The following NUDT3 variants were observed in gnomAD, a reference collection of about 807,000 sequenced individuals.
The protein encoded by NUDT3 is nudix hydrolase 3, also known as diphosphoinositol polyphosphate phosphohydrolase 1.
A neutral mutation model predicts 23.6 loss-of-function variants in NUDT3; 9 were observed. That is an observed-to-expected ratio of 0.38 (90% CI 0.23 to 0.66). NUDT3 has a LOEUF of 0.66. Ranked by LOEUF, NUDT3 falls within the 30% of genes least tolerant of loss-of-function variation. NUDT3 has a pLI of 0.52. For missense variants in NUDT3, 172 were observed against 218.5 expected, an observed-to-expected ratio of 0.79 and a Z score of 1.34; for synonymous variants, 86 against 82.6, an observed-to-expected ratio of 1.04 and a Z score of -0.22.
intron 4 of NUDT3, 33 bp from the exon 5 acceptor site, chr6:34,288,964 A>G: frequency 6.4e-7 from 1 of 1,565,078 alleles, no homozygotes; most frequent in Non-Finnish European, 8.6e-7. Flanking sequence ...AACTAGTACA[A>G]GAGTAATAAG....
At chr6:34,319,265 C>T (rs1280728079) in intron 2 of NUDT3, among the ~76,000 whole-genome samples, 1 of 152,062 alleles carries the variant, frequency 6.6e-6, no homozygotes, top group Non-Finnish European at 1.5e-5. Flanking sequence ...GAAGACAGCC[C>T]CAGAAACCAA....
intron 1 of NUDT3, among the ~76,000 whole-genome samples, chr6:34,350,068 G>A (rs760173982): frequency 1.3e-5 from 2 of 149,764 alleles, no homozygotes; most frequent in East Asian, 1.9e-4. Context: ...CAGCCTGGGC[G>A]ACAGAGCGAA....
intron 2 of NUDT3, among the ~76,000 whole-genome samples, chr6:34,314,390 T>TAAAA (rs5875502): frequency 8.1e-6 from 1 of 123,956 alleles, no homozygotes; most frequent in South Asian, 2.6e-4. Flanking sequence ...CTGTCTCTAC[T>TAAAA]AAAAAAAAAA....
chr6:34,331,213 C>T (rs766589148), intron 2 of NUDT3, among the ~76,000 whole-genome samples: 2 of 152,056 alleles, frequency 1.3e-5, no homozygotes, highest in African/African-American at 2.4e-5. Flanking sequence ...AATTGAGCAG[C>T]TCTGAACTCT....
chr6:34,293,061 C>T (rs1336297876), intron 4 of NUDT3, among the ~76,000 whole-genome samples: 4 of 152,038 alleles, frequency 2.6e-5, no homozygotes, highest in African/African-American at 9.7e-5. Flanking sequence ...TCTTGTTGTT[C>T]TGTTTTTTTG....
intron 2 of NUDT3, among the ~76,000 whole-genome samples, chr6:34,312,723 C>T (rs1763793125): frequency 6.6e-6 from 1 of 152,156 alleles, no homozygotes. Context: ...TACTGTATAG[C>T]AGCTTTATTA....
chr6:34,293,395 G>A (rs2113693794), intron 4 of NUDT3, 56 bp downstream of exon 4: 1 of 1,601,494 alleles, frequency 6.2e-7, no homozygotes, highest in East Asian at 2.2e-5. Flanking sequence ...ATGACCTGTG[G>A]CATGGCAAGG....
At chr6:34,326,616 T>C (rs189230953) in intron 2 of NUDT3, among the ~76,000 whole-genome samples, 44 of 152,280 alleles carry the variant, frequency 2.9e-4, no homozygotes, top group East Asian at 2.5e-3. Context: ...TTTTCTTTTT[T>C]TTGACACGGA....
intron 4 of NUDT3, 121 bp downstream of exon 4, chr6:34,293,330 G>A: frequency 8.6e-7 from 1 of 1,159,392 alleles, no homozygotes. Flanking sequence ...CCAAAGTACT[G>A]GGGTTATAGG....
At chr6:34,322,081 T>C (rs1763951043) in intron 2 of NUDT3, among the ~76,000 whole-genome samples, 1 of 152,202 alleles carries the variant, frequency 6.6e-6, no homozygotes, top group Non-Finnish European at 1.5e-5. Context: ...TATAGAACTT[T>C]TCCTTCACTT....
chr6:34,293,425 T>C (rs966893180), intron 4 of NUDT3, 26 bp downstream of exon 4: 2 of 1,613,850 alleles, frequency 1.2e-6, no homozygotes, highest in Non-Finnish European at 1.7e-6. Flanking sequence ...GAGGAACCCT[T>C]TCCAGGCTGT....
At chr6:34,374,893 T>C (rs1275058643) in intron 1 of NUDT3, among the ~76,000 whole-genome samples, 1 of 152,258 alleles carries the variant, frequency 6.6e-6, no homozygotes, top group Non-Finnish European at 1.5e-5. Flanking sequence ...ACTTTCTGAT[T>C]CTTCTGATCT....
intron 2 of NUDT3, among the ~76,000 whole-genome samples, chr6:34,309,969 A>G (rs892111685): frequency 6.6e-6 from 1 of 152,162 alleles, no homozygotes; most frequent in African/African-American, 2.4e-5. Flanking sequence ...GCGGTGGTGC[A>G]TGCCTGTAAT....
intron 1 of NUDT3, among the ~76,000 whole-genome samples, chr6:34,361,860 G>A (rs1764655391): frequency 6.6e-6 from 1 of 152,212 alleles, no homozygotes; most frequent in Admixed American, 6.5e-5. Flanking sequence ...TGAGCAGAGA[G>A]GGAGGGATGA....
At chr6:34,316,485 A>G (rs964999712) in intron 2 of NUDT3, among the ~76,000 whole-genome samples, 2 of 152,150 alleles carry the variant, frequency 1.3e-5, no homozygotes, top group Non-Finnish European at 2.9e-5. Context: ...GAAAAACAGT[A>G]TTTCATCTGG....
intron 1 of NUDT3, among the ~76,000 whole-genome samples, chr6:34,366,298 C>T (rs1320548947): frequency 1.3e-5 from 2 of 150,812 alleles, no homozygotes; most frequent in Non-Finnish European, 3.0e-5. Context: ...ATCACTTGAG[C>T]TGAGGAGGTT....
intron 1 of NUDT3, among the ~76,000 whole-genome samples, chr6:34,381,551 C>T (rs561475375): frequency 3.4e-4 from 51 of 151,926 alleles, no homozygotes; most frequent in East Asian, 2.5e-3. Flanking sequence ...TTATTATATA[C>T]AGAAATTCTC....
intron 2 of NUDT3, among the ~76,000 whole-genome samples, chr6:34,323,472 T>A (rs1275559130): frequency 1.3e-5 from 2 of 151,772 alleles, no homozygotes; most frequent in African/African-American, 4.8e-5. Context: ...GAGGTTAACG[T>A]GGGAGGACTG....
At chr6:34,321,440 A>T (rs2113717566) in intron 2 of NUDT3, among the ~76,000 whole-genome samples, 1 of 152,086 alleles carries the variant, frequency 6.6e-6, no homozygotes, top group Admixed American at 6.6e-5. Context: ...TCCATCTCAA[A>T]AATAATAATA....
Sources: allele counts gnomAD v4.1 joint callset (sites outside exome capture counted in the v4.1 genomes callset), GRCh38; gene constraint gnomAD v4.1.1; transcripts MANE v1.5; gene names NCBI Gene and HGNC (gene_info 2026-07-23, HGNC 2026-07-21).